The following WDR72 variants were observed in gnomAD, a reference collection of about 807,000 sequenced individuals.
WDR72 encodes WD repeat-containing protein 72.
In WDR72, 120 loss-of-function variants were observed where a neutral mutation model predicts 124.2. The observed-to-expected ratio is 0.97, with a 90% CI of 0.83 to 1.12. The LOEUF (loss-of-function observed/expected upper bound fraction) is 1.12, where lower values mean the gene tolerates loss of function less well. WDR72 is among the 50% of genes most tolerant of loss of function. The probability of loss-of-function intolerance (pLI) is 0.00; values close to 1 mark genes in which losing one functional copy is unlikely to be tolerated. For synonymous variants in WDR72, 452 were observed against 441.7 expected, an observed-to-expected ratio of 1.02 and a Z score of -0.29; for missense variants, 1,387 against 1,278.8, an observed-to-expected ratio of 1.08 and a Z score of -1.29.
intron 18 of WDR72, among the ~76,000 whole-genome samples, chr15:53,532,053 C>T (rs550743031): frequency 6.6e-6 from 1 of 152,170 alleles, no homozygotes; most frequent in Non-Finnish European, 1.5e-5. Context: ...ATATGTAATA[C>T]ACTAATCGTT....
rs1370892885 is a variant in WDR72 at position 53,546,171 on chromosome 15, C to T, written c.3149-22849G>A. Among the ~76,000 whole-genome samples the T allele has an allele frequency of 2.1e-5, 3 of 145,900 alleles. No individual in the cohort carries two copies. The South Asian group carries it at 6.7e-4, about 32-fold the overall frequency. On this transcript the variant is annotated intron_variant, in intron 18 of 19. Coordinates refer to ENST00000360509, the MANE Select transcript of WDR72 (RefSeq NM_182758.4). ...CAGCCATCCCATTACTGGGTATATA[C>T]CCAAAGGACTATAAATCATGCTGCT...
At chr15:53,742,233 A>G (rs1292562454) in intron 1 of WDR72, among the ~76,000 whole-genome samples, 4 of 152,160 alleles carry the variant, frequency 2.6e-5, no homozygotes, top group African/African-American at 9.7e-5. Flanking sequence ...AAGCAAATCC[A>G]TGTCTTCTGA....
intron 13 of WDR72, among the ~76,000 whole-genome samples, chr15:53,678,733 G>T (rs2016265011): frequency 1.3e-5 from 2 of 152,158 alleles, no homozygotes; most frequent in African/African-American, 4.8e-5. Flanking sequence ...CGTATCCTAT[G>T]CCACAAGGTT....
chr15:53,722,189 A>ACACC (rs2017896022), intron 3 of WDR72, among the ~76,000 whole-genome samples: 1 of 151,676 alleles, frequency 6.6e-6, no homozygotes. Context: ...ATGCATCACC[A>ACACC]TGCCCAGGCC....
intron 4 of WDR72, 106 bp downstream of exon 4, chr15:53,716,501 C>T: frequency 1.2e-6 from 1 of 843,040 alleles, no homozygotes; most frequent in Non-Finnish European, 2.0e-6. Context: ...AATAAAAATT[C>T]AAGCAAAGAA....
intron 1 of WDR72, among the ~76,000 whole-genome samples, chr15:53,734,673 T>G (rs1371700422): frequency 6.6e-6 from 1 of 151,904 alleles, no homozygotes; most frequent in Non-Finnish European, 1.5e-5. Context: ...TATGTAAGGA[T>G]AGGAAGCAAA....
At chr15:53,633,703 A>G (rs937743248) in intron 14 of WDR72, among the ~76,000 whole-genome samples, 9 of 152,250 alleles carry the variant, frequency 5.9e-5, no homozygotes, top group African/African-American at 1.7e-4. Context: ...TATCAGAAAC[A>G]GATCACTCAA....
At chr15:53,627,917 T>C (rs1566992077) in intron 14 of WDR72, among the ~76,000 whole-genome samples, 1 of 152,188 alleles carries the variant, frequency 6.6e-6, no homozygotes, top group African/African-American at 2.4e-5. Flanking sequence ...ATCTCCTTAA[T>C]AGTTCTCCAC....
At chr15:53,717,940 T>A (rs2017759290) in intron 3 of WDR72, among the ~76,000 whole-genome samples, 1 of 151,994 alleles carries the variant, frequency 6.6e-6, no homozygotes, top group Admixed American at 6.6e-5. Flanking sequence ...TACTAAAAAA[T>A]AAGATTGGGA....
At position 53,615,904 on chromosome 15, in the gene WDR72, T is replaced by G. The variant is rs765409726; in HGVS notation, c.2302A>C (p.Arg768=). Residue 768 remains arginine (R), a synonymous_variant, in exon 15 of 20, where the codon AGG becomes CGG. Transcript: ENST00000360509. The part of the protein sequence containing the change: ...KFSEENDGIK[R]QKKMKISKKM... The stretch of plus-strand genomic sequence containing the variant: ...TTGGAGATCTTCATTTTCTTCTGCC[T>G]TTTAATGCCATCATTTTCTTCTGAG... 5 of 1,613,570 alleles carry G rather than the reference T, an allele frequency of 3.1e-6. No individual in the cohort carries two copies. The Admixed American group carries it at 8.4e-5, about 27-fold the overall frequency.
At chr15:53,536,941 C>T (rs1436092686) in intron 18 of WDR72, among the ~76,000 whole-genome samples, 1 of 152,114 alleles carries the variant, frequency 6.6e-6, no homozygotes, top group Non-Finnish European at 1.5e-5. Flanking sequence ...TAAGCTCCAG[C>T]TCAAAGATGT....
In WDR72 at chr15:53,523,330, A is replaced by G. The variant is rs915247534; in HGVS notation, c.3149-8T>C. The G allele has an allele frequency of 1.4e-5, 22 of 1,575,822 alleles. No homozygotes were observed. The highest frequency in any genetic ancestry group is 1.7e-4 in the Middle Eastern group (1 of 5,908). On this transcript the variant is annotated splice_polypyrimidine_tract_variant and splice_region_variant and intron_variant, in intron 18 of 19. Coordinates refer to ENST00000360509, the MANE Select transcript of WDR72 (RefSeq NM_182758.4). ...TGACCGGGCTGACTGGAGCTATTAA[A>G]AGAGAGAGAGAGAGAGAGAGAGACA... is the stretch of plus-strand genomic sequence containing the variant.
chr15:53,575,002 A>T (rs1894696369), intron 18 of WDR72, among the ~76,000 whole-genome samples: 1 of 75,736 alleles, frequency 1.3e-5, no homozygotes, highest in African/African-American at 5.8e-5. Flanking sequence ...TGAAAATCAA[A>T]CACAACACAC....
intron 1 of WDR72, among the ~76,000 whole-genome samples, chr15:53,742,101 A>C (rs981383945): frequency 9.9e-5 from 15 of 152,220 alleles, no homozygotes; most frequent in African/African-American, 3.6e-4. Flanking sequence ...TACAGTGAGG[A>C]GAAAGAACTG....
chr15:53,737,038 C>A (rs2018377208), intron 1 of WDR72, among the ~76,000 whole-genome samples: 1 of 139,982 alleles, frequency 7.1e-6, no homozygotes, highest in African/African-American at 2.6e-5. Context: ...CACACACACA[C>A]ACACACAGAC....
chr15:53,738,275 T>C (rs1389378698), intron 1 of WDR72, among the ~76,000 whole-genome samples: 1 of 151,952 alleles, frequency 6.6e-6, no homozygotes, highest in East Asian at 1.9e-4. Context: ...AAATCTTATA[T>C]AAAAGAAGAG....
Position 53,549,690 on chromosome 15 carries a change from A to G in WDR72, c.3149-26368T>C, listed in dbSNP as rs148889306. On this transcript the variant is annotated intron_variant, in intron 18 of 19. Coordinates refer to ENST00000360509, the MANE Select transcript of WDR72 (RefSeq NM_182758.4). ...GTTAATTACACCAATATAAAGGTGA[A>G]GGGTTATACCTAAGGTCACGTAGGC... 3.7e-4 allele frequency among the ~76,000 whole-genome samples: 56 copies of G among 152,300 alleles called. 1 individual carries two copies. The highest frequency in any genetic ancestry group is 1.3e-3 in the African/African-American group (55 of 41,576).
At chr15:53,557,565 T>C (rs537028456) in intron 18 of WDR72, among the ~76,000 whole-genome samples, 67 of 152,182 alleles carry the variant, frequency 4.4e-4, no homozygotes, top group Admixed American at 1.4e-3. Flanking sequence ...GAGCAATGTA[T>C]GCCAGAAGGT....
At chr15:53,747,982 C>CTTT (rs10625145) in intron 1 of WDR72, among the ~76,000 whole-genome samples, 57 of 148,026 alleles carry the variant, frequency 3.9e-4, no homozygotes, top group East Asian at 1.6e-3. Flanking sequence ...CAGTGAAAAT[C>CTTT]TTTTTTTTTT....
Sources: gnomAD v4.1 joint callset for allele counts (sites outside exome capture counted in the v4.1 genomes callset) on GRCh38, gnomAD v4.1.1 for gene constraint, MANE v1.5 for transcripts, NCBI Gene and HGNC (gene_info 2026-07-23, HGNC 2026-07-21) for gene names.